BNC2: variants seen among roughly 807,000 people sequenced by gnomAD.
The protein encoded by BNC2 is basonuclin zinc finger protein 2.
BNC2 carries 20 observed loss-of-function variants against 76.3 expected under a neutral mutation model. That is an observed-to-expected ratio of 0.26 (90% confidence interval 0.18 to 0.38). The LOEUF (loss-of-function observed/expected upper bound fraction) is 0.38, where lower values mean the gene tolerates loss of function less well. Ranked by LOEUF, BNC2 falls within the 10% of genes least tolerant of loss-of-function variation. The probability of loss-of-function intolerance (pLI) is 1.00; values close to 1 mark genes in which losing one functional copy is unlikely to be tolerated. For missense variants in BNC2, 1,382 were observed against 1,399.8 expected (o/e 0.99, Z 0.20); for synonymous variants, 582 against 514.8 (o/e 1.13, Z -1.77).
intron 5 of BNC2, among the ~76,000 whole-genome samples, chr9:16,523,740 C>CCCAT (rs1817696619): frequency 6.6e-6 from 1 of 151,946 alleles, no homozygotes; most frequent in African/African-American, 2.4e-5. Context: ...GCCTGGCCAA[C>CCCAT]ATGGTGAAAC....
At chr9:16,456,790 T>A (rs986839159) in intron 5 of BNC2, among the ~76,000 whole-genome samples, 1 of 152,072 alleles carries the variant, frequency 6.6e-6, no homozygotes, top group African/African-American at 2.4e-5. Context: ...ATATTCTAGA[T>A]AAATATCCAA....
chr9:16,464,339 C>G (rs1821658240), intron 5 of BNC2, among the ~76,000 whole-genome samples: 1 of 151,884 alleles, frequency 6.6e-6, no homozygotes, highest in Non-Finnish European at 1.5e-5. Flanking sequence ...CCATTCAGGT[C>G]ATTAGGATTA....
At chr9:16,531,629 T>C (rs1401271031) in intron 5 of BNC2, among the ~76,000 whole-genome samples, 2 of 152,096 alleles carry the variant, frequency 1.3e-5, no homozygotes, top group African/African-American at 2.4e-5. Flanking sequence ...AAACATATGG[T>C]GCAAACTCCG....
At chr9:16,594,569 G>T (rs1156396779) in intron 3 of BNC2, among the ~76,000 whole-genome samples, 1 of 152,122 alleles carries the variant, frequency 6.6e-6, no homozygotes, top group South Asian at 2.1e-4. Context: ...GAGAAAAGTT[G>T]TTACGTTTTA....
Position 16,790,910 on chromosome 9 carries a change from T to C in BNC2, c.4-52425A>G, listed in dbSNP as rs144114116. 4.3e-3 allele frequency among the ~76,000 whole-genome samples: 654 copies of C among 151,900 alleles called. 3 individuals carry two copies. The highest frequency in any genetic ancestry group is 0.015 in the African/African-American group (626 of 41,430). ...TCATTTATTTGATGCACTTTGATCT[T>C]TGACAATTCTCCCCTTTAATTATCC... is the stretch of plus-strand genomic sequence containing the variant. On this transcript the variant is annotated intron_variant, in intron 1 of 6. Coordinates refer to ENST00000380672, the MANE Select transcript of BNC2 (RefSeq NM_017637.6).
At chr9:16,688,743 C>T (rs555887212) in intron 3 of BNC2, among the ~76,000 whole-genome samples, 106 of 152,024 alleles carry the variant, frequency 7.0e-4, no homozygotes, top group Non-Finnish European at 1.4e-3. Context: ...AAACATTATG[C>T]CACAGGTTTA....
chr9:16,572,645 G>A (rs1251957941), intron 4 of BNC2, among the ~76,000 whole-genome samples: 3 of 152,082 alleles, frequency 2.0e-5, no homozygotes, highest in East Asian at 1.9e-4. Flanking sequence ...TAATTGCTCC[G>A]GGGGTGGGGA....
chr9:16,538,224 T>C (rs1404068423), intron 5 of BNC2, among the ~76,000 whole-genome samples: 36 of 152,220 alleles, frequency 2.4e-4, no homozygotes. Context: ...AAGAACCTAC[T>C]GGCACTAGAC....
At chr9:16,769,931 G>A (rs1043983087) in intron 1 of BNC2, among the ~76,000 whole-genome samples, 3 of 152,060 alleles carry the variant, frequency 2.0e-5, no homozygotes, top group Non-Finnish European at 2.9e-5. Flanking sequence ...GGAGCCCTCC[G>A]GAATTACAGA....
At chr9:16,659,657 G>C (rs58108882) in intron 3 of BNC2, among the ~76,000 whole-genome samples, 12,608 of 149,856 alleles carry the variant, frequency 0.084, 628 homozygotes, top group East Asian at 0.23. Flanking sequence ...CAGGGTCTTT[G>C]TCATTGTTGT....
intron 1 of BNC2, among the ~76,000 whole-genome samples, chr9:16,784,937 T>C (rs558598718): frequency 1.3e-5 from 2 of 152,246 alleles, no homozygotes; most frequent in South Asian, 4.1e-4. Context: ...GAAGAAGAAA[T>C]AAGATGACGA....
intron 1 of BNC2, among the ~76,000 whole-genome samples, chr9:16,782,680 G>A (rs1360553382): frequency 1.3e-5 from 2 of 152,056 alleles, no homozygotes; most frequent in African/African-American, 4.8e-5. Context: ...TGGAACTCTG[G>A]GCTTAGGGGT....
intron 3 of BNC2, among the ~76,000 whole-genome samples, chr9:16,679,678 C>T (rs574210765): frequency 2.0e-5 from 3 of 152,286 alleles, no homozygotes; most frequent in East Asian, 1.9e-4. Context: ...ATGCGCGGGC[C>T]GGATGACACC....
intron 1 of BNC2, among the ~76,000 whole-genome samples, chr9:16,740,345 G>C (rs912608136): frequency 6.6e-6 from 1 of 152,202 alleles, no homozygotes. Flanking sequence ...GAGATTGACA[G>C]TGACTGACAC....
intron 3 of BNC2, among the ~76,000 whole-genome samples, chr9:16,665,464 AAGAAAGAAAGAAAGAAAGAAAGAAAG>A (rs1467156775): frequency 3.1e-4 from 45 of 145,422 alleles, no homozygotes; most frequent in Non-Finnish European, 5.9e-4. Context: ...GAAAGAAAGA[AAGAAAGAAAGAAAGAAAGAAAGAAAG>A]AGAGAGAGAG....
chr9:16,612,147 T>C (rs757788312), intron 3 of BNC2, among the ~76,000 whole-genome samples: 4 of 151,712 alleles, frequency 2.6e-5, no homozygotes, highest in Non-Finnish European at 5.9e-5. Flanking sequence ...CAATAAAATG[T>C]GGACGTCTTT....
intron 3 of BNC2, among the ~76,000 whole-genome samples, chr9:16,700,232 A>C (rs1823468607): frequency 6.6e-6 from 1 of 152,204 alleles, no homozygotes; most frequent in African/African-American, 2.4e-5. Flanking sequence ...TGGATGAAAC[A>C]AAATTTATAC....
chr9:16,837,555 G>T (rs960025312), intron 1 of BNC2, among the ~76,000 whole-genome samples: 14 of 152,124 alleles, frequency 9.2e-5, no homozygotes, highest in Non-Finnish European at 7.4e-5. Flanking sequence ...GAAGTCCTTG[G>T]TAGACTGCCA....
At chr9:16,629,792 C>T (rs980439265) in intron 3 of BNC2, among the ~76,000 whole-genome samples, 1 of 152,128 alleles carries the variant, frequency 6.6e-6, no homozygotes, top group African/African-American at 2.4e-5. Flanking sequence ...CTAAAAAATG[C>T]TAACAATCGT....
Sources: allele counts gnomAD v4.1 joint callset (sites outside exome capture counted in the v4.1 genomes callset), GRCh38; gene constraint gnomAD v4.1.1; transcripts MANE v1.5; gene names NCBI Gene and HGNC (gene_info 2026-07-23, HGNC 2026-07-21).